SORCS2: variants seen among roughly 807,000 people sequenced by gnomAD.
SORCS2 encodes VPS10 domain-containing receptor SorCS2.
Under a neutral mutation model 141.6 loss-of-function variants are expected in SORCS2, and 100 were observed. The observed-to-expected ratio is 0.71, with a 90% confidence interval of 0.60 to 0.83. SORCS2 has a LOEUF of 0.83. Ranked by LOEUF, SORCS2 falls within the 40% of genes least tolerant of loss-of-function variation. The pLI, the probability that SORCS2 is intolerant of heterozygous loss-of-function variation, is 0.00. For missense variants in SORCS2, 1,646 were observed against 1,560.2 expected, an observed-to-expected ratio of 1.05 and a Z score of -0.93; for synonymous variants, 789 against 676.9, an observed-to-expected ratio of 1.17 and a Z score of -2.57.
intron 1 of SORCS2, among the ~76,000 whole-genome samples, chr4:7,246,235 C>T (rs1158098943): frequency 6.6e-6 from 1 of 152,230 alleles, no homozygotes; most frequent in East Asian, 1.9e-4. Flanking sequence ...CACATGTTCC[C>T]CTGGATTCTG....
rs975566462 is a variant in SORCS2 at position 7,740,651 on chromosome 4, C to G, written c.*387C>G. ...CAAGAGCTGCAGACCCGTTCAGACA[C>G]TGCGTTGCGGGCTCCTTCCCCGCAG... On this transcript the variant is annotated 3_prime_UTR_variant, in exon 27 of 27. Transcript: ENST00000507866. 3.4e-6 allele frequency: 1 copy of G among 294,454 alleles called. No individual in the cohort carries two copies. The allele number at this position is 294,454 out of a possible 1,614,324, so 18.2% of individuals were successfully genotyped here. A position where few individuals can be genotyped will look rare whatever the true frequency, so the allele number is the denominator to read the frequency against.
Position 7,676,118 on chromosome 4 carries a change from C to T in SORCS2, c.1230C>T (p.Asp410=), listed in dbSNP as rs1723089470. Reference sequence around the variant, plus strand: ...CGGTGCAGGAGTGGTACCAGATGGACACCTACAACCTGTACCAGTCGGACC... The same window carrying T: ...CGGTGCAGGAGTGGTACCAGATGGATACCTACAACCTGTACCAGTCGGACC... ...FVAVQEWYQM[D]TYNLYQSDPR... The change falls in exon 9 of 27, where the codon GAC becomes GAT. Residue 410 remains aspartate, a synonymous_variant. Transcript: ENST00000507866. 4.4e-6 allele frequency: 7 copies of T among 1,584,214 alleles called. No homozygotes were observed. The highest frequency in any genetic ancestry group is 1.7e-4 in the Middle Eastern group (1 of 6,050).
intron 2 of SORCS2, chr4:7,434,436 G>C: frequency 6.2e-7 from 1 of 1,609,642 alleles, no homozygotes; most frequent in Non-Finnish European, 8.5e-7. Flanking sequence ...GCCTCAGGGT[G>C]GCCAGGTGCC....
chr4:7,505,444 C>T (rs1732220681), intron 2 of SORCS2, among the ~76,000 whole-genome samples: 1 of 152,072 alleles, frequency 6.6e-6, no homozygotes, highest in South Asian at 2.1e-4. Context: ...TGGGACCACC[C>T]CTGAGATGGG....
Position 7,192,881 on chromosome 4 carries a change from G to C in SORCS2, c.235G>C (p.Gly79Arg). ...CCCTCCCGCGGGGCGCGCGGAGCCC[G>C]GTGGCGGCGAGGACCGGCAGGCGCG... ...RSPPAGRAEPGGGEDRQARGT... is the reference protein window; with the variant it reads ...RSPPAGRAEPRGGEDRQARGT... Residue 79 changes from glycine to arginine, a missense_variant, in exon 1 of 27, where the codon GGT becomes CGT. Gly to Arg is a moderately radical substitution (Grantham distance 125). Transcript: ENST00000507866. The surrounding 1 kb of genome is among the most constrained non-coding windows in gnomAD (Gnocchi z 4.0). 1.8e-6 allele frequency: 2 copies of C among 1,106,352 alleles called. No individual in the cohort carries two copies. Among genetic ancestry groups the C allele is most frequent in the Non-Finnish European group, 2.2e-6 (2 of 909,548 alleles). 68.5% of individuals were successfully genotyped at this position (1,106,352 alleles called of 1,614,324 possible).
At chr4:7,690,508 T>C (rs1724170518) in intron 11 of SORCS2, among the ~76,000 whole-genome samples, 1 of 151,338 alleles carries the variant, frequency 6.6e-6, no homozygotes, top group Non-Finnish European at 1.5e-5. Flanking sequence ...AGATGCTGAA[T>C]GGATGGATGG....
chr4:7,256,268 C>T (rs1713865231), intron 1 of SORCS2, among the ~76,000 whole-genome samples: 2 of 152,164 alleles, frequency 1.3e-5, no homozygotes, highest in Admixed American at 6.5e-5. Context: ...CCAGCCAGGG[C>T]CGCCACGAGG....
chr4:7,624,778 A>G (rs1719416060), intron 3 of SORCS2, among the ~76,000 whole-genome samples: 1 of 152,254 alleles, frequency 6.6e-6, no homozygotes, highest in South Asian at 2.1e-4. Context: ...CACTCTGCCC[A>G]AGCAAACAGG....
chr4:7,692,489 A>T (rs931976287), intron 11 of SORCS2, among the ~76,000 whole-genome samples: 11 of 152,220 alleles, frequency 7.2e-5, no homozygotes, highest in Non-Finnish European at 1.5e-4. Flanking sequence ...GTATGGCAGG[A>T]AACCTTCAAG....
chr4:7,638,392 G>T lies in SORCS2; in HGVS notation c.713G>T (p.Gly238Val), dbSNP rs764869685. ...DQSLFLSADE[G>V]ATFQKQPIPF... ...AGCCTATTCCTCAGCGCAGACGAAG[G>T]CGCCACCTTTCAGAAGCAGCCCATT... Residue 238 changes from glycine (G) to valine (V), a missense_variant, in exon 4 of 27, where the codon GGC becomes GTC. Physicochemically the swap from Gly to Val is moderately radical, Grantham distance 109. Transcript: ENST00000507866. The T allele has an allele frequency of 1.3e-6, 2 of 1,580,934 alleles. No homozygotes were observed. Among genetic ancestry groups the T allele is most frequent in the Non-Finnish European group, 8.6e-7 (1 of 1,166,848 alleles).
intron 1 of SORCS2, among the ~76,000 whole-genome samples, chr4:7,269,320 C>T (rs12639690): frequency 0.13 from 20,130 of 152,222 alleles, 1,791 homozygotes; most frequent in East Asian, 0.41. Context: ...TGTGCAGGGC[C>T]GCCAGGGCCC....
intron 4 of SORCS2, among the ~76,000 whole-genome samples, chr4:7,641,546 A>C (rs955750214): frequency 6.6e-6 from 1 of 152,188 alleles, no homozygotes; most frequent in African/African-American, 2.4e-5. Flanking sequence ...AGGTAACTCT[A>C]TCTTTGTGAA....
intron 3 of SORCS2, among the ~76,000 whole-genome samples, chr4:7,539,680 A>ATGGAGGCCCCGC (rs1553881101): frequency 3.8e-4 from 51 of 134,290 alleles, no homozygotes; most frequent in Admixed American, 9.1e-4. Flanking sequence ...CAAGGCCCCG[A>ATGGAGGCCCCGC]CCCCCGTTAT....
chr4:7,193,139 C>T lies in SORCS2; in HGVS notation c.480+13C>T. ...CGAGAACAGCAGCGTAAGTGACCTC[C>T]ACGCGCTCGCCGCGGCCCCTACCCG... On this transcript the variant is annotated intron_variant, in intron 1 of 26. Transcript: ENST00000507866. This position sits in a 1 kb window ranked among gnomAD's most constrained non-coding sequence, Gnocchi z 4.8. 5 of 1,510,460 alleles carry T rather than the reference C, an allele frequency of 3.3e-6. No homozygotes were observed. Among genetic ancestry groups the T allele is most frequent in the Non-Finnish European group, 3.5e-6 (4 of 1,139,342 alleles). 93.6% of individuals were successfully genotyped at this position (1,510,460 alleles called of 1,614,324 possible). A position where few individuals can be genotyped will look rare whatever the true frequency, so the allele number is the denominator to read the frequency against.
intron 4 of SORCS2, among the ~76,000 whole-genome samples, chr4:7,645,784 T>C (rs1721034295): frequency 6.6e-6 from 1 of 152,192 alleles, no homozygotes; most frequent in African/African-American, 2.4e-5. Context: ...AGGTGATGGC[T>C]TCTTACCATA....
intron 3 of SORCS2, among the ~76,000 whole-genome samples, chr4:7,632,310 C>T (rs923093937): frequency 1.3e-5 from 2 of 152,168 alleles, no homozygotes; most frequent in Non-Finnish European, 2.9e-5. Flanking sequence ...TCCTGGGCCC[C>T]CAGAACCCAG....
intron 26 of SORCS2, among the ~76,000 whole-genome samples, chr4:7,739,880 C>T (rs986969120): frequency 1.3e-5 from 2 of 152,232 alleles, no homozygotes; most frequent in Admixed American, 6.5e-5. Flanking sequence ...GAGCCTCAGC[C>T]CCTCTCGCAC....
intron 1 of SORCS2, among the ~76,000 whole-genome samples, chr4:7,327,276 C>A (rs1427948370): frequency 6.6e-6 from 1 of 152,220 alleles, no homozygotes; most frequent in South Asian, 2.1e-4. Flanking sequence ...GGGGGAGGAT[C>A]CTCCTCACCT....
intron 2 of SORCS2, among the ~76,000 whole-genome samples, chr4:7,509,208 C>A (rs563972048): frequency 1.3e-5 from 2 of 152,186 alleles, no homozygotes. Context: ...GCTGCCCCCC[C>A]AGAGCAAGGG....
Sources: allele counts gnomAD v4.1 joint callset (sites outside exome capture counted in the v4.1 genomes callset), GRCh38; gene constraint gnomAD v4.1.1; non-coding constraint Gnocchi (gnomAD v3.1); transcripts MANE v1.5; gene names NCBI Gene and HGNC (gene_info 2026-07-23, HGNC 2026-07-21).